Variants in ARL15 observed in about 807,000 individuals in gnomAD.
The protein encoded by ARL15 is ARF like GTPase 15, also known as ADP-ribosylation factor-like protein 15.
Under a neutral mutation model 25.2 loss-of-function variants are expected in ARL15, and 19 were observed. That is an observed-to-expected ratio of 0.75 (90% confidence interval 0.53 to 1.10). The LOEUF (loss-of-function observed/expected upper bound fraction) is 1.10. Among genes scored for constraint, ARL15 ranks in the 50% least tolerant of loss-of-function variants. The pLI, the probability that ARL15 is intolerant of heterozygous loss-of-function variation, is 0.00. For missense variants in ARL15, 220 were observed against 246.0 expected (o/e 0.89, Z 0.71); for synonymous variants, 94 against 86.8 (o/e 1.08, Z -0.46).
intron 4 of ARL15, among the ~76,000 whole-genome samples, chr5:54,080,010 C>CACACACACACACACACACATAT (rs775031344): frequency 6.9e-6 from 1 of 144,680 alleles, no homozygotes; most frequent in South Asian, 2.2e-4. Flanking sequence ...CACACACACA[C>CACACACACACACACACACATAT]ACACACAGAC....
intron 4 of ARL15, among the ~76,000 whole-genome samples, chr5:53,927,151 T>A (rs1746057671): frequency 6.6e-6 from 1 of 152,198 alleles, no homozygotes; most frequent in South Asian, 2.1e-4. Flanking sequence ...ATTTTCTAAC[T>A]TGCAGTGAGG....
At chr5:54,085,019 C>T (rs576846318) in intron 4 of ARL15, among the ~76,000 whole-genome samples, 4 of 152,154 alleles carry the variant, frequency 2.6e-5, no homozygotes, top group South Asian at 2.1e-4. Context: ...TAAAAACAAC[C>T]GTGAAATTTG....
intron 4 of ARL15, among the ~76,000 whole-genome samples, chr5:53,930,258 C>G (rs1746157947): frequency 6.6e-6 from 1 of 152,106 alleles, no homozygotes; most frequent in African/African-American, 2.4e-5. Context: ...ATTATTTTAT[C>G]TCTTAAATGT....
intron 4 of ARL15, among the ~76,000 whole-genome samples, chr5:54,040,381 G>T (rs563231067): frequency 6.6e-6 from 1 of 152,132 alleles, no homozygotes; most frequent in Admixed American, 6.5e-5. Flanking sequence ...CAAGATATTT[G>T]TTAATAAGAG....
In ARL15 at chr5:53,935,512, A is replaced by G. The variant is rs115138732; in HGVS notation, c.463-48799T>C. On this transcript the variant is annotated intron_variant, in intron 4 of 4. Transcript: ENST00000504924. ...TTTTACTTCTCCCTACAGAGAGGCAACTGGAAATATCCAAAACTTCAGTGC... is the reference window on the plus strand; with the variant it reads ...TTTTACTTCTCCCTACAGAGAGGCAGCTGGAAATATCCAAAACTTCAGTGC... 5.7e-3 allele frequency among the ~76,000 whole-genome samples: 867 copies of G among 152,332 alleles called. 7 individuals are homozygous for G. The highest frequency in any genetic ancestry group is 7.7e-3 in the Non-Finnish European group (521 of 68,038).
At chr5:54,199,100 A>C (rs1755639715) in intron 1 of ARL15, among the ~76,000 whole-genome samples, 2 of 152,280 alleles carry the variant, frequency 1.3e-5, no homozygotes, top group African/African-American at 4.8e-5. Flanking sequence ...CCATATGTAG[A>C]AAGCTGAAAC....
At chr5:54,123,398 C>T (rs1462500768) in intron 3 of ARL15, among the ~76,000 whole-genome samples, 2 of 152,172 alleles carry the variant, frequency 1.3e-5, no homozygotes, top group African/African-American at 2.4e-5. Context: ...CGTGAGCCAA[C>T]GCACCCGGCT....
At chr5:54,197,774 GA>G (rs1755594261) in intron 1 of ARL15, among the ~76,000 whole-genome samples, 1 of 152,034 alleles carries the variant, frequency 6.6e-6, no homozygotes. Flanking sequence ...GAAAAAGAGG[GA>G]ATCCTCCCTA....
intron 3 of ARL15, among the ~76,000 whole-genome samples, chr5:54,150,845 G>A (rs916627509): frequency 1.8e-5 from 2 of 108,958 alleles, no homozygotes; most frequent in Admixed American, 1.2e-4. Context: ...CCAACACACT[G>A]TTAACCAAAA....
intron 2 of ARL15, among the ~76,000 whole-genome samples, chr5:54,156,194 T>C (rs1754227483): frequency 2.0e-5 from 3 of 152,208 alleles, no homozygotes; most frequent in South Asian, 2.1e-4. Context: ...TAATAAGCTG[T>C]ACATTACCTT....
At chr5:54,285,264 T>C (rs1758155220) in intron 1 of ARL15, 1 of 616,836 alleles carries the variant, frequency 1.6e-6, no homozygotes, top group Non-Finnish European at 2.0e-6. Flanking sequence ...TTACAATCTG[T>C]TTAAGAGAGG....
chr5:54,115,999 G>A (rs976508807), intron 3 of ARL15, among the ~76,000 whole-genome samples: 1 of 152,264 alleles, frequency 6.6e-6, no homozygotes, highest in African/African-American at 2.4e-5. Flanking sequence ...AAGCTAGAAT[G>A]GGGGAAGAAG....
chr5:54,297,883 C>T (rs1206531194), intron 1 of ARL15, among the ~76,000 whole-genome samples: 3 of 152,068 alleles, frequency 2.0e-5, no homozygotes, highest in African/African-American at 7.2e-5. Context: ...CCCAGGTTCA[C>T]GCCATCCTCC....
At chr5:54,310,111 G>C (rs887140025) in intron 1 of ARL15, among the ~76,000 whole-genome samples, 30 of 152,298 alleles carry the variant, frequency 2.0e-4, no homozygotes, top group African/African-American at 7.0e-4. Context: ...TGCGGAGAGC[G>C]CAGAGGGAAG....
intron 1 of ARL15, among the ~76,000 whole-genome samples, chr5:54,283,226 G>A (rs770878724): frequency 8.5e-5 from 13 of 152,156 alleles, no homozygotes; most frequent in Admixed American, 6.5e-4. Context: ...CCAAGAAGTC[G>A]CATCAGACCC....
rs529636539 is a variant in ARL15 at position 53,937,278 on chromosome 5, T to C, written c.463-50565A>G. Among the ~76,000 whole-genome samples, 9 of 148,210 alleles carry C rather than the reference T, an allele frequency of 6.1e-5. No individual in the cohort carries two copies. The South Asian group carries it at 1.7e-3, about 28-fold the overall frequency. The stretch of plus-strand genomic sequence containing the variant: ...TCAGGGAATAAGTACAAAATACACA[T>C]GTGCACGCCTGCGCATACACACACA... On this transcript the variant is annotated intron_variant, in intron 4 of 4. Transcript: ENST00000504924.
intron 3 of ARL15, among the ~76,000 whole-genome samples, chr5:54,134,601 T>TTC (rs1753542930): frequency 8.2e-6 from 1 of 122,614 alleles, no homozygotes; most frequent in Non-Finnish European, 1.7e-5. Context: ...TTTTTTTTTT[T>TTC]CTGAGACAGA....
At chr5:54,199,023 C>T (rs1755637289) in intron 1 of ARL15, among the ~76,000 whole-genome samples, 1 of 151,486 alleles carries the variant, frequency 6.6e-6, no homozygotes, top group South Asian at 2.1e-4. Context: ...CTTTGACAAA[C>T]CTGAGAAAAA....
chr5:53,947,852 G>GA (rs1396531437), intron 4 of ARL15, among the ~76,000 whole-genome samples: 1 of 151,684 alleles, frequency 6.6e-6, no homozygotes, highest in Non-Finnish European at 1.5e-5. Context: ...CCAGAGCAAA[G>GA]AAAAAAATGA....
Sources: allele counts gnomAD v4.1 joint callset (sites outside exome capture counted in the v4.1 genomes callset), GRCh38; gene constraint gnomAD v4.1.1; transcripts MANE v1.5; gene names NCBI Gene and HGNC (gene_info 2026-07-23, HGNC 2026-07-21).